Variants in GSS observed in about 807,000 individuals in gnomAD.
GSS encodes the protein GSH synthetase.
Under a neutral mutation model 60.4 loss-of-function variants are expected in GSS, and 34 were observed. The ratio of observed to expected loss-of-function variants is 0.56; its 90% CI spans 0.43 to 0.75. The LOEUF is 0.75. Ranked by LOEUF, GSS falls within the 30% of genes least tolerant of loss-of-function variation. GSS has a pLI of 0.00. For synonymous variants in GSS, 224 were observed against 239.0 expected (o/e 0.94, Z 0.58); for missense variants, 499 against 595.1 (o/e 0.84, Z 1.68).
intron 2 of GSS, among the ~76,000 whole-genome samples, chr20:34,947,241 C>G (rs2081529949): frequency 6.6e-6 from 1 of 152,058 alleles, no homozygotes. Flanking sequence ...GTGTGTGCCA[C>G]CACACCCAGG....
chr20:34,941,791 C>G lies in GSS; in HGVS notation c.530G>C (p.Gly177Ala). ...GCTGGGATTATTAGAGAGGATCTTGCCAGCTTCTTTGGTCTTACTCAGGAC... is the reference window on the plus strand; with the variant it reads ...GCTGGGATTATTAGAGAGGATCTTGGCAGCTTCTTTGGTCTTACTCAGGAC... ...LSVLSKTKEA[G>A]KILSNNPSKG... Residue 177 changes from glycine (G) to alanine (A), a missense_variant, in exon 6 of 13, where the codon GGC (glycine) becomes GCC (alanine). By Grantham distance (60) the Gly-to-Ala change is moderately conservative. Transcript: ENST00000651619. 1 of 1,611,228 alleles carries G rather than the reference C, an allele frequency of 6.2e-7. No individual in the cohort carries two copies.
chr20:34,932,262 C>T lies in GSS; in HGVS notation c.835-129G>A. On this transcript the variant is annotated intron_variant, in intron 9 of 12. Coordinates refer to ENST00000651619, the MANE Select transcript of GSS (RefSeq NM_000178.4). The stretch of plus-strand genomic sequence containing the variant: ...ACCCTCATTATCACCCAGGATCATT[C>T]TAACATCCTTGTGAGCCAGGTGTGA... 4 of 790,902 alleles carry T rather than the reference C, an allele frequency of 5.1e-6. No individual in the cohort carries two copies. The South Asian group carries it at 5.7e-5, about 11-fold the overall frequency. The allele number at this position is 790,902 out of a possible 1,614,324, so 49.0% of individuals were successfully genotyped here. A position where few individuals can be genotyped will look rare whatever the true frequency, so the allele number is the denominator to read the frequency against.
intron 2 of GSS, chr20:34,950,011 T>A (rs1021271545): frequency 7.2e-4 from 44 of 61,154 alleles, no homozygotes; most frequent in African/African-American, 2.2e-3. Context: ...TCTCTCTCTC[T>A]CTCACACACA....
In GSS at chr20:34,941,754, G is replaced by A. The variant is rs2081484543; in HGVS notation, c.567C>T (p.Ala189=). The change falls in exon 6 of 13, where the codon GCC becomes GCT. Residue 189 remains alanine (A), a synonymous_variant. Transcript: ENST00000651619. The part of the protein sequence containing the change: ...ILSNNPSKGL[A]LGIAKAWELY... ...GCTCCCAGGCTTTGGCAATTCCCAG[G>A]GCCAGTCCCTTGCTGGGATTATTAG... 1.2e-6 allele frequency: 2 copies of A among 1,611,346 alleles called. No homozygotes were observed. The highest frequency in any genetic ancestry group is 1.3e-5 in the African/African-American group (1 of 74,972).
At position 34,951,831 on chromosome 20, in the gene GSS, G is replaced by C; in HGVS notation, c.22C>G (p.Leu8Val). 1 of 1,614,188 alleles carries C rather than the reference G, an allele frequency of 6.2e-7. No homozygotes were observed. The highest frequency in any genetic ancestry group is 2.2e-5 in the East Asian group (1 of 44,870). The change falls in exon 2 of 13, where the codon CTC (leucine) becomes GTC (valine). Residue 8 changes from leucine (L) to valine (V), a missense_variant. Physicochemically the swap from Leu to Val is conservative, Grantham distance 32 (BLOSUM62 1). Coordinates refer to ENST00000651619, the MANE Select transcript of GSS (RefSeq NM_000178.4). Reference sequence around the variant, plus strand: ...TCTAGCTGCTGTTTATCCTGCAAGAGGCTCCCCCAGTTGGTGGCCATCCCA... The same window carrying C: ...TCTAGCTGCTGTTTATCCTGCAAGACGCTCCCCCAGTTGGTGGCCATCCCA... MATNWGS[L>V]LQDKQQLEEL...
chr20:34,929,199 T>A, intron 12 of GSS: 1 of 696,106 alleles, frequency 1.4e-6, no homozygotes, highest in Non-Finnish European at 2.5e-6. Context: ...GGGCTTCATC[T>A]GATACCCTGG....
chr20:34,928,646 C>G lies in GSS; in HGVS notation c.*182G>C. 1 of 687,316 alleles carries G rather than the reference C, an allele frequency of 1.5e-6. No homozygotes were observed. Among genetic ancestry groups the G allele is most frequent in the Non-Finnish European group, 2.6e-6 (1 of 386,568 alleles). The allele number at this position is 687,316 out of a possible 1,614,324, so 42.6% of individuals were successfully genotyped here. ...TACCCACATCTCAAGGATTTGGGGG[C>G]GTCTAGATCTCATCTAAGGGAGACA... On this transcript the variant is annotated 3_prime_UTR_variant, in exon 13 of 13. Transcript: ENST00000651619.
At chr20:34,929,075 A>C in intron 12 of GSS, 124 bp from the exon 13 acceptor site, 1 of 1,165,500 alleles carries the variant, frequency 8.6e-7, no homozygotes, top group Non-Finnish European at 1.3e-6. Flanking sequence ...AGGATTTTAG[A>C]GTCTCTATGC....
chr20:34,946,706 C>A (rs908352934), intron 2 of GSS: 39 of 152,226 alleles, frequency 2.6e-4, no homozygotes, highest in African/African-American at 9.2e-4. Flanking sequence ...AGTTTCCTTG[C>A]CTTTTGATTT....
At chr20:34,932,228 T>C in intron 9 of GSS, 95 bp from the exon 10 acceptor site, 1 of 949,376 alleles carries the variant, frequency 1.1e-6, no homozygotes, top group Non-Finnish European at 1.7e-6. Flanking sequence ...TATCATGATT[T>C]GTATCTTCAC....
intron 12 of GSS, 156 bp downstream of exon 12, chr20:34,929,245 A>C (rs2081379130): frequency 3.8e-5 from 29 of 771,174 alleles, no homozygotes; most frequent in Non-Finnish European, 6.5e-5. Flanking sequence ...GGCCTCATTT[A>C]ATAGATAAAG....
At chr20:34,947,216 T>C (rs972160237) in intron 2 of GSS, among the ~76,000 whole-genome samples, 20 of 152,054 alleles carry the variant, frequency 1.3e-4, no homozygotes, top group African/African-American at 4.3e-4. Flanking sequence ...GCCTCCCAAG[T>C]AGCTGAGACT....
intron 3 of GSS, among the ~76,000 whole-genome samples, chr20:34,943,500 C>T (rs2081500247): frequency 6.6e-6 from 1 of 152,162 alleles, no homozygotes; most frequent in African/African-American, 2.4e-5. Flanking sequence ...TCCTCCACAG[C>T]AGCCCTTGGA....
intron 1 of GSS, among the ~76,000 whole-genome samples, chr20:34,953,639 G>A (rs571826103): frequency 1.4e-4 from 18 of 126,092 alleles, no homozygotes; most frequent in African/African-American, 5.1e-4. Flanking sequence ...TTTTTTTGAC[G>A]GAGTCTGGCT....
At chr20:34,931,697 C>G (rs2081402888) in intron 10 of GSS, 1 of 620,338 alleles carries the variant, frequency 1.6e-6, no homozygotes, top group African/African-American at 1.8e-5. Flanking sequence ...AGTCCCTTCC[C>G]TCTGGTTGCC....
At chr20:34,935,464 A>G in intron 9 of GSS, 112 bp downstream of exon 9, 1 of 785,614 alleles carries the variant, frequency 1.3e-6, no homozygotes, top group Admixed American at 1.8e-5. Flanking sequence ...TCCCTGAGAA[A>G]GAAGTGAAGT....
chr20:34,950,726 G>A (rs1569018405), intron 2 of GSS, among the ~76,000 whole-genome samples: 2 of 152,108 alleles, frequency 1.3e-5, no homozygotes, highest in African/African-American at 4.8e-5. Context: ...CCAAGATTGT[G>A]CCACTACACT....
intron 6 of GSS, among the ~76,000 whole-genome samples, chr20:34,937,567 G>A (rs1385024338): frequency 2.0e-5 from 3 of 152,108 alleles, no homozygotes; most frequent in African/African-American, 2.4e-5. Flanking sequence ...TACAAACAAC[G>A]ACATTATCTC....
rs2081399261 is a variant in GSS at position 34,931,331 on chromosome 20, C to T, written c.1111+5G>A. 1.9e-6 allele frequency: 3 copies of T among 1,610,618 alleles called. No homozygotes were observed. The highest frequency in any genetic ancestry group is 1.1e-5 in the South Asian group (1 of 91,012). On this transcript the variant is annotated splice_donor_5th_base_variant and intron_variant, in intron 11 of 12. Transcript: ENST00000651619. ...GAGGAGCCCTGCAAAGGGAGATCCA[C>T]CTACCTCCACCCTCTCTCTGGGGCT... is the stretch of plus-strand genomic sequence containing the variant.
Sources: allele counts gnomAD v4.1 joint callset (sites outside exome capture counted in the v4.1 genomes callset), GRCh38; gene constraint gnomAD v4.1.1; transcripts MANE v1.5; gene names NCBI Gene and HGNC (gene_info 2026-07-23, HGNC 2026-07-21).